CALCB: variants seen among roughly 807,000 people sequenced by gnomAD.
CALCB encodes calcitonin gene-related peptide 2.
Under a neutral mutation model 10.7 loss-of-function variants are expected in CALCB, and 8 were observed. The ratio of observed to expected loss-of-function variants is 0.75; its 90% confidence interval spans 0.44 to 1.34. CALCB has a LOEUF of 1.34. CALCB is among the 40% of genes most tolerant of loss of function. The probability of loss-of-function intolerance (pLI) is 0.01; values close to 1 mark genes in which losing one functional copy is unlikely to be tolerated. For synonymous variants in CALCB, 76 were observed against 66.9 expected, an observed-to-expected ratio of 1.14 and a Z score of -0.66; for missense variants, 176 against 162.5, an observed-to-expected ratio of 1.08 and a Z score of -0.45.
At chr11:15,074,085 C>T (rs1019747620) in intron 1 of CALCB, among the ~76,000 whole-genome samples, 3 of 152,254 alleles carry the variant, frequency 2.0e-5, no homozygotes, top group Non-Finnish European at 4.4e-5. Context: ...TGAGCCTTCC[C>T]GGGATTCCGG....
At position 15,077,276 on chromosome 11, in the gene CALCB, T is replaced by G; in HGVS notation, c.225-10T>G. ...CAGGTCTTCTCTTCTTTCTCTATCT[T>G]GCAAATCAGCTCCGCTGCCCAGAAG... On this transcript the variant is annotated splice_polypyrimidine_tract_variant and intron_variant, in intron 3 of 4. Coordinates refer to ENST00000324229, the MANE Select transcript of CALCB (RefSeq NM_000728.4). 13 of 1,613,004 alleles carry G rather than the reference T, an allele frequency of 8.1e-6. No homozygotes were observed. The highest frequency in any genetic ancestry group is 1.1e-5 in the Non-Finnish European group (13 of 1,179,616).
At chr11:15,073,915 G>A (rs1476643671) in intron 1 of CALCB, among the ~76,000 whole-genome samples, 1 of 152,260 alleles carries the variant, frequency 6.6e-6, no homozygotes, top group South Asian at 2.1e-4. Flanking sequence ...CGCAGCGAGC[G>A]GAGGTAGGCG....
Position 15,077,488 on chromosome 11 carries a change from A to G in CALCB, c.*25+18A>G, listed in dbSNP as rs1428020027. On this transcript the variant is annotated intron_variant, in intron 4 of 4. Coordinates refer to ENST00000324229, the MANE Select transcript of CALCB (RefSeq NM_000728.4). ...GGAAGAAGGTAACTACCCTAATGCT[A>G]TGGGATAAGAGGGGGAAGGGACTTG... The G allele has an allele frequency of 6.2e-6, 10 of 1,610,022 alleles. No individual in the cohort carries two copies. Among genetic ancestry groups the G allele is most frequent in the Middle Eastern group, 1.8e-4 (1 of 5,656 alleles).
At chr11:15,077,720 G>A (rs1019948330) in intron 4 of CALCB, among the ~76,000 whole-genome samples, 2 of 152,174 alleles carry the variant, frequency 1.3e-5, no homozygotes, top group African/African-American at 4.8e-5. Context: ...GGAGAGGTCT[G>A]CAAACCTTAA....
chr11:15,074,639 A>T, intron 1 of CALCB, 71 bp from the exon 2 acceptor site: 1 of 1,165,028 alleles, frequency 8.6e-7, no homozygotes. Flanking sequence ...GTCACATGGC[A>T]GTTGTGGCAG....
At chr11:15,077,202 A>C in intron 3 of CALCB, 84 bp from the exon 4 acceptor site, 1 of 1,434,308 alleles carries the variant, frequency 7.0e-7, no homozygotes. Flanking sequence ...TGGTGTGTCG[A>C]AGTGTTGCAG....
chr11:15,077,016 C>T (rs1305931922), intron 3 of CALCB, among the ~76,000 whole-genome samples: 1 of 152,152 alleles, frequency 6.6e-6, no homozygotes, highest in Non-Finnish European at 1.5e-5. Flanking sequence ...GGCCTCGTTG[C>T]CCACTTCCTC....
chr11:15,077,514 G>T, intron 4 of CALCB, 44 bp downstream of exon 4: 1 of 1,574,002 alleles, frequency 6.4e-7, no homozygotes, highest in Non-Finnish European at 8.6e-7. Context: ...AAGGGACTTG[G>T]AGTTAAAACC....
chr11:15,077,445 A>C lies in CALCB; in HGVS notation c.384A>C (p.Ter128CysextTer4). 1 of 1,614,138 alleles carries C rather than the reference A, an allele frequency of 6.2e-7. No homozygotes were observed. The highest frequency in any genetic ancestry group is 8.5e-7 in the Non-Finnish European group (1 of 1,180,042). ...FGRRRRDLQA[*>C] is the part of the protein sequence containing the mutation. The stretch of plus-strand genomic sequence containing the variant: ...GGCGCCGCAGGGACCTTCAAGCCTG[A>C]GCAGATGAATGACTCCAGGAAGAAG... Residue 128 changes from the stop codon to cysteine, a stop_lost, in exon 4 of 5, where the codon TGA becomes TGC. Coordinates refer to ENST00000324229, the MANE Select transcript of CALCB (RefSeq NM_000728.4).
At chr11:15,077,711 G>A (rs977676419) in intron 4 of CALCB, among the ~76,000 whole-genome samples, 12 of 152,184 alleles carry the variant, frequency 7.9e-5, no homozygotes, top group African/African-American at 2.9e-4. Context: ...TTCAGAAAGG[G>A]AGAGGTCTGC....
Position 15,077,422 on chromosome 11 carries a change from C to T in CALCB, c.361C>T (p.Arg121Cys), listed in dbSNP as rs773988089. The change falls in exon 4 of 5, where the codon CGC (arginine) becomes TGC (cysteine). Residue 121 changes from arginine (R) to cysteine (C), a missense_variant. By Grantham distance (180) the Arg-to-Cys change is radical. Coordinates refer to ENST00000324229, the MANE Select transcript of CALCB (RefSeq NM_000728.4). ...TNVGSKAFGR[R>C]RRDLQA Reference sequence around the variant, plus strand: ...TGTGGGTTCCAAAGCCTTTGGCAGGCGCCGCAGGGACCTTCAAGCCTGAGC... The same window carrying T: ...TGTGGGTTCCAAAGCCTTTGGCAGGTGCCGCAGGGACCTTCAAGCCTGAGC... 16 of 1,614,160 alleles carry T rather than the reference C, an allele frequency of 9.9e-6. No individual in the cohort carries two copies. The highest frequency in any genetic ancestry group is 2.7e-5 in the African/African-American group (2 of 75,050).
chr11:15,077,247 C>T, intron 3 of CALCB, 39 bp from the exon 4 acceptor site: 2 of 1,606,598 alleles, frequency 1.2e-6, no homozygotes, highest in Non-Finnish European at 1.7e-6. Context: ...CAGCTTTTCA[C>T]TCACAGGTCT....
intron 4 of CALCB, 72 bp from the exon 5 acceptor site, chr11:15,078,011 C>T (rs1850411330): frequency 6.6e-6 from 1 of 152,026 alleles, no homozygotes; most frequent in African/African-American, 2.4e-5. Flanking sequence ...TTCTCCTTTT[C>T]ATCTTCTTCC....
chr11:15,075,860 G>A (rs1269403447), intron 3 of CALCB, among the ~76,000 whole-genome samples: 1 of 152,142 alleles, frequency 6.6e-6, no homozygotes, highest in Non-Finnish European at 1.5e-5. Context: ...CCCCTGGCCT[G>A]CTCCCAGCAC....
Position 15,077,393 on chromosome 11 carries a change from C to G in CALCB, c.332C>G (p.Thr111Ser), listed in dbSNP as rs1850405820. ...ATGGTGAAGAGCAACTTCGTGCCCA[C>G]CAATGTGGGTTCCAAAGCCTTTGGC... The part of the protein sequence containing the change: ...GGMVKSNFVP[T>S]NVGSKAFGRR... Residue 111 changes from threonine (T) to serine (S), a missense_variant, in exon 4 of 5, where the codon ACC becomes AGC. Thr to Ser is a moderately conservative substitution (Grantham distance 58, BLOSUM62 1). Coordinates refer to ENST00000324229, the MANE Select transcript of CALCB (RefSeq NM_000728.4). 6.2e-7 allele frequency: 1 copy of G among 1,614,228 alleles called. No individual in the cohort carries two copies. The highest frequency in any genetic ancestry group is 2.2e-5 in the East Asian group (1 of 44,880).
intron 2 of CALCB, 120 bp downstream of exon 2, chr11:15,074,924 C>T: frequency 7.3e-7 from 1 of 1,379,196 alleles, no homozygotes; most frequent in Non-Finnish European, 1.0e-6. Context: ...TGGACCCTGG[C>T]CTCATGCCCG....
intron 1 of CALCB, among the ~76,000 whole-genome samples, chr11:15,074,226 C>T (rs1850373613): frequency 6.6e-6 from 1 of 152,244 alleles, no homozygotes; most frequent in East Asian, 1.9e-4. Context: ...CTGAGACACC[C>T]GTAACTGGCA....
rs908446579 is a variant in CALCB, at chr11:15,078,317, C to G, written c.*260C>G. The G allele has an allele frequency of 2.0e-5, 3 of 152,176 alleles. No homozygotes were observed. The highest frequency in any genetic ancestry group is 7.2e-5 in the African/African-American group (3 of 41,450). 9.4% of individuals were successfully genotyped at this position (152,176 alleles called of 1,614,324 possible). On this transcript the variant is annotated 3_prime_UTR_variant, in exon 5 of 5. Coordinates refer to ENST00000324229, the MANE Select transcript of CALCB (RefSeq NM_000728.4). Reference sequence around the variant, plus strand: ...GTGATGGCATCTCTCATTGACTTATCTGGTAGCAAACTGGTTCTTTCGGAG... The same window carrying G: ...GTGATGGCATCTCTCATTGACTTATGTGGTAGCAAACTGGTTCTTTCGGAG...
At position 15,078,510 on chromosome 11, in the gene CALCB, C is replaced by T. The variant is rs1399176589; in HGVS notation, c.*453C>T. On this transcript the variant is annotated 3_prime_UTR_variant, in exon 5 of 5. Coordinates refer to ENST00000324229, the MANE Select transcript of CALCB (RefSeq NM_000728.4). ...TCAATATTGTGCCATTTGTGAACTT[C>T]ATCAAGATTAAAAGCATATTTTGGG... 6.6e-6 allele frequency: 1 copy of T among 152,132 alleles called. No individual in the cohort carries two copies. Among genetic ancestry groups the T allele is most frequent in the Non-Finnish European group, 1.5e-5 (1 of 68,030 alleles). The allele number at this position is 152,132 out of a possible 1,614,324, so 9.4% of individuals were successfully genotyped here.
Sources: allele counts gnomAD v4.1 joint callset (sites outside exome capture counted in the v4.1 genomes callset), GRCh38; gene constraint gnomAD v4.1.1; transcripts MANE v1.5; gene names NCBI Gene and HGNC (gene_info 2026-07-23, HGNC 2026-07-21).